ZNF487: variants seen among roughly 807,000 people sequenced by gnomAD.
ZNF487 encodes zinc finger protein 487.
Under a neutral mutation model 3.0 loss-of-function variants are expected in ZNF487, and 4 were observed. The observed-to-expected ratio is 1.35, with a 90% CI of 0.66 to 3.08. The LOEUF is 3.08. Among genes scored for constraint, ZNF487 ranks in the 30% most tolerant of loss-of-function variants. ZNF487 has a pLI of 0.01. For synonymous variants in ZNF487, 55 were observed against 34.6 expected, an observed-to-expected ratio of 1.59 and a Z score of -2.06; for missense variants, 146 against 98.7, an observed-to-expected ratio of 1.48 and a Z score of -2.03.
At chr10:43,443,420 C>A (rs915896717) in intron 1 of ZNF487, among the ~76,000 whole-genome samples, 6 of 149,638 alleles carry the variant, frequency 4.0e-5, no homozygotes, top group African/African-American at 1.5e-4. Flanking sequence ...GTCACCCAGG[C>A]TGGAGTGCAA....
the ZNF487 span, among the ~76,000 whole-genome samples, chr10:43,520,965 C>A: frequency 6.6e-6 from 1 of 152,014 alleles, no homozygotes; most frequent in African/African-American, 2.4e-5. Context: ...GTTTCTTAGT[C>A]CTTTGGGACA....
intron 1 of ZNF487, among the ~76,000 whole-genome samples, chr10:43,470,040 C>A (rs1419215934): frequency 6.6e-6 from 1 of 152,012 alleles, no homozygotes; most frequent in Non-Finnish European, 1.5e-5. Flanking sequence ...GAAAACATAA[C>A]TTTCACATGC....
chr10:43,502,655 TGAC>T, the ZNF487 span, among the ~76,000 whole-genome samples: 1 of 152,212 alleles, frequency 6.6e-6, no homozygotes, highest in African/African-American at 2.4e-5. Context: ...TACTTGATGA[TGAC>T]AATAAATGCC....
chr10:43,505,192 TCTG>T, the ZNF487 span, among the ~76,000 whole-genome samples: 8 of 152,024 alleles, frequency 5.3e-5, no homozygotes, highest in Non-Finnish European at 1.0e-4. Flanking sequence ...GCTTTACCAC[TCTG>T]GTTTGAATGA....
chr10:43,453,178 AT>A (rs1406554582), intron 1 of ZNF487: 1 of 152,090 alleles, frequency 6.6e-6, no homozygotes, highest in African/African-American at 2.4e-5. Flanking sequence ...CAGAGGCCTT[AT>A]CTTTCCCAAT....
chr10:43,477,797 CA>C (rs1353335486), intron 3 of ZNF487, among the ~76,000 whole-genome samples: 3 of 151,180 alleles, frequency 2.0e-5, no homozygotes. Flanking sequence ...ACTAAAAGTA[CA>C]AAAATTAGCC....
the ZNF487 span, among the ~76,000 whole-genome samples, chr10:43,504,293 C>CTTTTTTTTTTTTTTTTTTTTTTT: frequency 9.2e-6 from 1 of 108,984 alleles, no homozygotes; most frequent in Non-Finnish European, 1.7e-5. Flanking sequence ...TTCTTTCTTT[C>CTTTTTTTTTTTTTTTTTTTTTTT]TTTTTTTTTT....
the ZNF487 span, among the ~76,000 whole-genome samples, chr10:43,504,637 A>G: frequency 4.6e-5 from 7 of 151,224 alleles, no homozygotes; most frequent in Non-Finnish European, 1.0e-4. Context: ...CATTTCTTTT[A>G]TGAAATAACT....
intron 1 of ZNF487, among the ~76,000 whole-genome samples, chr10:43,467,684 G>A (rs1267864404): frequency 6.6e-6 from 1 of 151,664 alleles, no homozygotes; most frequent in African/African-American, 2.4e-5. Context: ...GGGTGTGGTG[G>A]TGCATACCTG....
chr10:43,483,989 C>T (rs1318395778), downstream of ZNF487, among the ~76,000 whole-genome samples: 1 of 152,160 alleles, frequency 6.6e-6, no homozygotes, highest in Non-Finnish European at 1.5e-5. Context: ...CTGCCTCAGC[C>T]TCCTGAGTAG....
chr10:43,459,242 T>C (rs998154931), intron 1 of ZNF487, among the ~76,000 whole-genome samples: 2 of 152,128 alleles, frequency 1.3e-5, no homozygotes, highest in Admixed American at 1.3e-4. Context: ...TCTTTCTTTC[T>C]TTTTTTAGGT....
chr10:43,463,716 T>TTC (rs1840527457), intron 1 of ZNF487, among the ~76,000 whole-genome samples: 1 of 10,956 alleles, frequency 9.1e-5, no homozygotes, highest in African/African-American at 2.5e-4. Context: ...TTCTTTCTTT[T>TTC]TTTTTTTTTT....
chr10:43,437,813 A>G (rs759095052), intron 1 of ZNF487, among the ~76,000 whole-genome samples: 44 of 151,814 alleles, frequency 2.9e-4, no homozygotes, highest in Non-Finnish European at 4.9e-4. Context: ...TTCCTTCATT[A>G]GCTTTACTAA....
At chr10:43,449,873 T>C (rs2132056324) in intron 1 of ZNF487, among the ~76,000 whole-genome samples, 1 of 152,112 alleles carries the variant, frequency 6.6e-6, no homozygotes, top group South Asian at 2.1e-4. Context: ...AGAGACGGGG[T>C]TTCCCCATGT....
At chr10:43,473,369 C>T (rs1013144705) in intron 1 of ZNF487, among the ~76,000 whole-genome samples, 5 of 151,944 alleles carry the variant, frequency 3.3e-5, no homozygotes, top group Middle Eastern at 3.2e-3. Flanking sequence ...TGTGAGCCAC[C>T]GCGCCTGGCG....
intron 1 of ZNF487, among the ~76,000 whole-genome samples, chr10:43,450,908 G>A (rs1434277832): frequency 6.6e-6 from 1 of 152,038 alleles, no homozygotes; most frequent in Admixed American, 6.6e-5. Flanking sequence ...TTGGAGCCAC[G>A]TTGTAAACTT....
the ZNF487 span, among the ~76,000 whole-genome samples, chr10:43,505,287 A>AT: frequency 1.5e-4 from 22 of 150,006 alleles, no homozygotes; most frequent in Non-Finnish European, 2.2e-4. Context: ...TCATATTTAC[A>AT]TTTTTTTTTT....
chr10:43,493,712 ATATAT>A, the ZNF487 span, among the ~76,000 whole-genome samples: 9 of 16,490 alleles, frequency 5.5e-4, no homozygotes, highest in South Asian at 1.9e-3. Context: ...AAAAAAAAAT[ATATAT>A]ATATATATAT....
chr10:43,498,766 C>T, the ZNF487 span, among the ~76,000 whole-genome samples: 4 of 151,624 alleles, frequency 2.6e-5, no homozygotes, highest in Non-Finnish European at 4.4e-5. Flanking sequence ...CATGGAGAAA[C>T]CCTGTCTCTA....
Sources: gnomAD v4.1 joint callset for allele counts (sites outside exome capture counted in the v4.1 genomes callset) on GRCh38, gnomAD v4.1.1 for gene constraint, MANE v1.5 for transcripts, NCBI Gene and HGNC (gene_info 2026-07-23, HGNC 2026-07-21) for gene names.